MAPKBP1: variants seen among roughly 807,000 people sequenced by gnomAD.
The protein encoded by MAPKBP1 is mitogen-activated protein kinase binding protein 1.
Under a neutral mutation model 170.5 loss-of-function variants are expected in MAPKBP1, and 71 were observed. The observed-to-expected ratio is 0.42, with a 90% CI of 0.34 to 0.51. MAPKBP1 has a LOEUF of 0.51. Among genes scored for constraint, MAPKBP1 ranks in the 20% least tolerant of loss-of-function variants. MAPKBP1 has a pLI of 0.06. For missense variants in MAPKBP1, 1,598 were observed against 1,933.0 expected (o/e 0.83, Z 3.25); for synonymous variants, 719 against 757.9 (o/e 0.95, Z 0.84).
chr15:41,819,133 C>T (rs1027346215), intron 20 of MAPKBP1, 113 bp from the exon 21 acceptor site: 7 of 1,449,390 alleles, frequency 4.8e-6, no homozygotes, highest in Non-Finnish European at 6.6e-6. Flanking sequence ...TCCTCTCCCC[C>T]TATTGAGTCT....
At chr15:41,790,560 G>C (rs1794028605) in intron 2 of MAPKBP1, among the ~76,000 whole-genome samples, 1 of 152,210 alleles carries the variant, frequency 6.6e-6, no homozygotes, top group African/African-American at 2.4e-5. Flanking sequence ...ACCTTCCTTA[G>C]AAACTAAGGC....
chr15:41,815,110 G>T, intron 10 of MAPKBP1, 149 bp from the exon 11 acceptor site: 1 of 852,446 alleles, frequency 1.2e-6, no homozygotes, highest in South Asian at 1.6e-5. Context: ...ATGTTGAAGG[G>T]TATATACCAG....
At position 41,824,014 on chromosome 15, in the gene MAPKBP1, A is replaced by G. The variant is rs2065048483; in HGVS notation, c.4166A>G (p.Asn1389Ser). ...CCCCCACCCCCTGAGAAGACTCCCA[A>G]CCCCATGGAATGCACCAAGCCAGGG... ...LQPPPPEKTP[N>S]PMECTKPGAA... Residue 1389 changes from asparagine (N) to serine (S), a missense_variant, in exon 29 of 31, where the codon AAC becomes AGC. This residue lies in a region of MAPKBP1 where 942 missense variants were observed against 953.2 expected (regional missense o/e 0.99). Transcript: ENST00000457542. The G allele has an allele frequency of 1.2e-6, 2 of 1,610,698 alleles. No individual in the cohort carries two copies. The highest frequency in any genetic ancestry group is 1.7e-5 in the Admixed American group (1 of 59,952).
chr15:41,785,768 A>G (rs1457110572), intron 2 of MAPKBP1, among the ~76,000 whole-genome samples: 3 of 152,216 alleles, frequency 2.0e-5, no homozygotes, highest in Admixed American at 6.5e-5. Flanking sequence ...TATAGGTGCA[A>G]TCATACCCTT....
At position 41,813,524 on chromosome 15, in the gene MAPKBP1, C is replaced by T. The variant is rs965227146; in HGVS notation, c.820-97C>T. The T allele has an allele frequency of 7.2e-6, 11 of 1,523,196 alleles. No homozygotes were observed. The African/African-American group carries it at 1.2e-4, about 17-fold the overall frequency. The allele number at this position is 1,523,196 out of a possible 1,614,324, so 94.4% of individuals were successfully genotyped here. A position where few individuals can be genotyped will look rare whatever the true frequency, so the allele number is the denominator to read the frequency against. ...GGCTTTTCCCTTGCCCCTGCCTTGG[C>T]CGGTCCCTCCTCTTGGCAGGTGGCT... On this transcript the variant is annotated intron_variant, in intron 8 of 30. Transcript: ENST00000457542.
At position 41,827,560 on chromosome 15, in the gene MAPKBP1, A is replaced by C. The variant is rs1168572214; in HGVS notation, c.*2124A>C. 6.6e-6 allele frequency: 1 copy of C among 152,280 alleles called. No individual in the cohort carries two copies. The highest frequency in any genetic ancestry group is 1.5e-5 in the Non-Finnish European group (1 of 68,118). The allele number at this position is 152,280 out of a possible 1,614,324, so 9.4% of individuals were successfully genotyped here. Reference sequence around the variant, plus strand: ...CGAGGAGGGAGCTACCCTTCGCCAGAAGTTTGTGAGAATGTGGCCGCCCTT... The same window carrying C: ...CGAGGAGGGAGCTACCCTTCGCCAGCAGTTTGTGAGAATGTGGCCGCCCTT... On this transcript the variant is annotated 3_prime_UTR_variant, in exon 31 of 31. Coordinates refer to ENST00000457542, the MANE Select transcript of MAPKBP1 (RefSeq NM_014994.3).
chr15:41,818,594 C>G lies in MAPKBP1; in HGVS notation c.2156+12C>G, dbSNP rs2064932071. The G allele has an allele frequency of 6.2e-7, 1 of 1,608,520 alleles. No homozygotes were observed. The highest frequency in any genetic ancestry group is 1.1e-5 in the South Asian group (1 of 90,408). ...GTGTCTGGGGACAGGTGAGCAGAAGCCAGCTTCCCTGAGAGGCAGATTCTT... is the reference window on the plus strand; with the variant it reads ...GTGTCTGGGGACAGGTGAGCAGAAGGCAGCTTCCCTGAGAGGCAGATTCTT... On this transcript the variant is annotated intron_variant, in intron 19 of 30. Coordinates refer to ENST00000457542, the MANE Select transcript of MAPKBP1 (RefSeq NM_014994.3). The surrounding 1 kb of genome is among the most constrained non-coding windows in gnomAD (Gnocchi z 5.2).
chr15:41,775,477 A>G, intron 2 of MAPKBP1, 88 bp downstream of exon 2: 1 of 962,298 alleles, frequency 1.0e-6, no homozygotes, highest in Admixed American at 2.0e-5. Context: ...TGGGAAAGAT[A>G]ACTAGAAGCC....
At position 41,825,558 on chromosome 15, in the gene MAPKBP1, A is replaced by G; in HGVS notation, c.*122A>G. ...AAAGCAGGGAGCAGTGTTCAGAGGCAAAGCAGCCTTCCCAGCCGCTCCTCG... is the reference window on the plus strand; with the variant it reads ...AAAGCAGGGAGCAGTGTTCAGAGGCGAAGCAGCCTTCCCAGCCGCTCCTCG... On this transcript the variant is annotated 3_prime_UTR_variant, in exon 31 of 31. Transcript: ENST00000457542. The G allele has an allele frequency of 1.2e-6, 1 of 823,052 alleles. No individual in the cohort carries two copies. The highest frequency in any genetic ancestry group is 1.8e-6 in the Non-Finnish European group (1 of 544,078). 51.0% of individuals were successfully genotyped at this position (823,052 alleles called of 1,614,324 possible).
chr15:41,796,120 T>C (rs2064484049), intron 2 of MAPKBP1, among the ~76,000 whole-genome samples: 1 of 152,188 alleles, frequency 6.6e-6, no homozygotes. Flanking sequence ...CTTTGCTGAT[T>C]TCCATGGTGT....
chr15:41,802,014 A>G (rs531952272), intron 3 of MAPKBP1, among the ~76,000 whole-genome samples: 1 of 152,294 alleles, frequency 6.6e-6, no homozygotes, highest in African/African-American at 2.4e-5. Flanking sequence ...GGTATAGCCT[A>G]CTACATACCT....
intron 2 of MAPKBP1, among the ~76,000 whole-genome samples, chr15:41,781,653 A>G (rs904201931): frequency 2.0e-5 from 3 of 152,096 alleles, no homozygotes; most frequent in Admixed American, 2.0e-4. Flanking sequence ...AAAAACAAAC[A>G]AAAACTGTCT....
At chr15:41,776,533 C>G (rs886863875) in intron 2 of MAPKBP1, among the ~76,000 whole-genome samples, 6 of 152,208 alleles carry the variant, frequency 3.9e-5, no homozygotes, top group Non-Finnish European at 7.3e-5. Flanking sequence ...TCCAAGGTCT[C>G]TTATTCATCA....
In MAPKBP1 at chr15:41,812,031, G is replaced by A. The variant is rs202026599; in HGVS notation, c.402G>A (p.Lys134=). The change falls in exon 6 of 31, where the codon AAG becomes AAA. Residue 134 remains lysine (K), a synonymous_variant. Transcript: ENST00000457542. ...HSQVAELQEH[K]YGVACVAFSP... ...AGGTGGCCGAGCTGCAGGAGCACAA[G>A]TATGGTGTGGCTTGTGTGGCCTTCT... 4.3e-6 allele frequency: 7 copies of A among 1,614,176 alleles called. No individual in the cohort carries two copies. The African/African-American group carries it at 9.3e-5, about 22-fold the overall frequency.
chr15:41,819,554 G>T lies in MAPKBP1; in HGVS notation c.2426-41G>T, dbSNP rs761736444. 2.0e-4 allele frequency: 296 copies of T among 1,495,464 alleles called. 13 individuals carry two copies. The African/African-American group carries it at 2.7e-3, about 14-fold the overall frequency. The allele number at this position is 1,495,464 out of a possible 1,614,324, so 92.6% of individuals were successfully genotyped here. A position where few individuals can be genotyped will look rare whatever the true frequency, so the allele number is the denominator to read the frequency against. ...GGCTCCAGGGTTGGGTGGCGGGGGG[G>T]GGGCAGGAGACACTTCCTCTGACTG... On this transcript the variant is annotated intron_variant, in intron 21 of 30. Coordinates refer to ENST00000457542, the MANE Select transcript of MAPKBP1 (RefSeq NM_014994.3).
chr15:41,811,228 C>T lies in MAPKBP1; in HGVS notation c.320C>T (p.Thr107Ile). ...TCCCCTGATGGCAAGTACTTGGTCACTGGAGAGGTGAGTGAGGAAGAGGGC... is the reference window on the plus strand; with the variant it reads ...TCCCCTGATGGCAAGTACTTGGTCATTGGAGAGGTGAGTGAGGAAGAGGGC... ...AFSPDGKYLV[T>I]GESGHMPAVR... The change falls in exon 5 of 31, where the codon ACT becomes ATT. Residue 107 changes from threonine (T) to isoleucine (I), a missense_variant. By Grantham distance (89) the Thr-to-Ile change is moderately conservative (BLOSUM62 -1). This residue lies in a region of MAPKBP1 where 151 missense variants were observed against 191.4 expected (regional missense o/e 0.79). Coordinates refer to ENST00000457542, the MANE Select transcript of MAPKBP1 (RefSeq NM_014994.3). 1 of 1,614,246 alleles carries T rather than the reference C, an allele frequency of 6.2e-7. No homozygotes were observed. Among genetic ancestry groups the T allele is most frequent in the South Asian group, 1.1e-5 (1 of 91,088 alleles).
chr15:41,819,188 G>A (rs1235520354), intron 20 of MAPKBP1, 58 bp from the exon 21 acceptor site: 4 of 1,588,420 alleles, frequency 2.5e-6, no homozygotes, highest in Non-Finnish European at 3.4e-6. Context: ...CCCCCACTGA[G>A]CCTCCTCTCC....
chr15:41,800,982 G>A (rs574375112), intron 3 of MAPKBP1, among the ~76,000 whole-genome samples: 4 of 152,024 alleles, frequency 2.6e-5, no homozygotes, highest in South Asian at 2.1e-4. Flanking sequence ...CAGTCCTCCC[G>A]CTTCAGCTTC....
At chr15:41,775,115 G>A (rs937009281) in intron 1 of MAPKBP1, 52 bp from the exon 2 acceptor site, 2 of 615,796 alleles carry the variant, frequency 3.2e-6, no homozygotes, top group African/African-American at 3.7e-5. Context: ...TGCAGACTTC[G>A]CTAGGCAGAA....
Sources: gnomAD v4.1 joint callset for allele counts (sites outside exome capture counted in the v4.1 genomes callset) on GRCh38, gnomAD v4.1.1 for gene constraint, gnomAD v4.1.1 regional missense constraint, Gnocchi (gnomAD v3.1) non-coding constraint, MANE v1.5 for transcripts, NCBI Gene and HGNC (gene_info 2026-07-23, HGNC 2026-07-21) for gene names.